NAV1: variants seen among roughly 807,000 people sequenced by gnomAD.
NAV1 encodes the protein pore membrane and/or filament interacting like protein 3.
NAV1 carries 18 observed loss-of-function variants against 175.2 expected under a neutral mutation model. The ratio of observed to expected loss-of-function variants is 0.10; its 90% CI spans 0.07 to 0.15. NAV1 has a LOEUF of 0.15. Among genes scored for constraint, NAV1 ranks in the 10% least tolerant of loss-of-function variants. NAV1 has a pLI of 1.00. For missense variants in NAV1, 1,731 were observed against 2,436.6 expected (o/e 0.71, Z 6.10); for synonymous variants, 897 against 978.7 (o/e 0.92, Z 1.56).
intron 1 of NAV1, among the ~76,000 whole-genome samples, chr1:201,557,193 T>C (rs1666047896): frequency 6.6e-6 from 1 of 152,214 alleles, no homozygotes; most frequent in African/African-American, 2.4e-5. Flanking sequence ...TTCAGCCAGA[T>C]TGGATTGCAA....
In NAV1 at chr1:201,812,769, A is replaced by T; in HGVS notation, c.5221+108A>T. 4 of 1,025,620 alleles carry T rather than the reference A, an allele frequency of 3.9e-6. No individual in the cohort carries two copies. Among genetic ancestry groups the T allele is most frequent in the Non-Finnish European group, 5.8e-6 (4 of 686,072 alleles). The allele number at this position is 1,025,620 out of a possible 1,614,324, so 63.5% of individuals were successfully genotyped here. A position where few individuals can be genotyped will look rare whatever the true frequency, so the allele number is the denominator to read the frequency against. ...TCCTGGAGTCTTCGGCATGTAAAGG[A>T]GCTGCAAGCCTTGTGGCTTCAGACT... On this transcript the variant is annotated intron_variant, in intron 27 of 29. Transcript: ENST00000367296. This position sits in a 1 kb window ranked among gnomAD's most constrained non-coding sequence, Gnocchi z 4.6.
intron 1 of NAV1, among the ~76,000 whole-genome samples, chr1:201,659,841 C>G (rs570478866): frequency 6.6e-6 from 1 of 152,298 alleles, no homozygotes; most frequent in South Asian, 2.1e-4. Context: ...TTTCCCTTCT[C>G]CTAAACTCAA....
chr1:201,793,976 G>A, intron 14 of NAV1, 101 bp downstream of exon 18: 2 of 967,824 alleles, frequency 2.1e-6, no homozygotes, highest in Non-Finnish European at 3.2e-6. Context: ...ATGAATGCCA[G>A]TTTCTCCCCA....
In NAV1 at chr1:201,718,817, G is replaced by T. The variant is rs762790875; in HGVS notation, c.1226+62G>T. ...GGTGGAAAGACCACTGGGATGCGACGCCTTAAAAGTGGAGTGGAACCCAAA... is the reference window on the plus strand; with the variant it reads ...GGTGGAAAGACCACTGGGATGCGACTCCTTAAAAGTGGAGTGGAACCCAAA... On this transcript the variant is annotated intron_variant, in intron 3 of 29. Transcript: ENST00000367296. The surrounding 1 kb of genome is among the most constrained non-coding windows in gnomAD (Gnocchi z 4.8). 16 of 1,541,654 alleles carry T rather than the reference G, an allele frequency of 1.0e-5. No individual in the cohort carries two copies. In the South Asian group the frequency reaches 1.9e-4, roughly 18 times the overall value.
chr1:201,750,133 T>G lies in NAV1; in HGVS notation c.1227-30288T>G, dbSNP rs1674012731. On this transcript the variant is annotated intron_variant, in intron 3 of 29. Coordinates refer to ENST00000367296, the Ensembl canonical transcript of NAV1. This position sits in a 1 kb window ranked among gnomAD's most constrained non-coding sequence, Gnocchi z 4.1. The stretch of plus-strand genomic sequence containing the variant: ...CAGAAGTGTATCAGGAAAAATTCTA[T>G]TGGTCCTAGTACTTTGAATGACACT... Among the ~76,000 whole-genome samples, 1 of 152,222 alleles carries G rather than the reference T, an allele frequency of 6.6e-6. No homozygotes were observed. The highest frequency in any genetic ancestry group is 2.1e-4 in the South Asian group (1 of 4,834).
chr1:201,575,199 G>T (rs1666660842), intron 1 of NAV1, among the ~76,000 whole-genome samples: 1 of 152,196 alleles, frequency 6.6e-6, no homozygotes, highest in Admixed American at 6.5e-5. Context: ...ATTAGTTTGG[G>T]AAGCAGCTGG....
At chr1:201,821,699 A>T (rs1679390761) in exon 30 of NAV1, 1 of 152,232 alleles carries the variant, frequency 6.6e-6, no homozygotes, top group Non-Finnish European at 1.5e-5. Context: ...GATTAGATGT[A>T]CAATACATTG....
intron 1 of NAV1, among the ~76,000 whole-genome samples, chr1:201,664,313 G>T (rs1168954629): frequency 6.6e-6 from 1 of 152,192 alleles, no homozygotes; most frequent in Non-Finnish European, 1.5e-5. Flanking sequence ...CTGCACTCCA[G>T]CCCAGGGACA....
chr1:201,793,531 T>C, intron 13 of NAV1: 1 of 445,292 alleles, frequency 2.2e-6, no homozygotes, highest in Non-Finnish European at 4.1e-6. Flanking sequence ...GTTTTAGATC[T>C]CAAGTCTCCA....
At chr1:201,684,977 A>T (rs964219104) in intron 1 of NAV1, among the ~76,000 whole-genome samples, 2 of 135,324 alleles carry the variant, frequency 1.5e-5, no homozygotes. Flanking sequence ...AAAAAAAAAA[A>T]CCCACAACCC....
exon 1 of NAV1, chr1:201,648,651 G>C: frequency 7.3e-7 from 1 of 1,371,276 alleles, no homozygotes; most frequent in Non-Finnish European, 9.4e-7. Context: ...GATCGTCCAT[G>C]CGCTCCTCGC....
intron 2 of NAV1, among the ~76,000 whole-genome samples, chr1:201,611,040 C>T (rs555095041): frequency 2.4e-4 from 37 of 152,252 alleles, no homozygotes; most frequent in African/African-American, 7.9e-4. Flanking sequence ...GCCAGGCCGG[C>T]GCTGGGGATA....
Position 201,795,741 on chromosome 1 carries a change from T to TC in NAV1, c.3517+1164_3517+1165insC, listed in dbSNP as rs1351923820. 13 of 151,780 alleles carry TC rather than the reference T, an allele frequency of 8.6e-5. No individual in the cohort carries two copies. The East Asian group carries it at 2.5e-3, about 29-fold the overall frequency. The allele number at this position is 151,780 out of a possible 1,614,324, so 9.4% of individuals were successfully genotyped here. ...AATCCAACTTACAATTTTTAGTACTTATTTTCCTTTTTTTTTTTTTTTTTG... is the reference window on the plus strand; with the variant it reads ...AATCCAACTTACAATTTTTAGTACTTCATTTTCCTTTTTTTTTTTTTTTTTG... On this transcript the variant is annotated intron_variant, in intron 15 of 29. Transcript: ENST00000367296.
chr1:201,649,335 C>G, exon 1 of NAV1: 1 of 1,611,866 alleles, frequency 6.2e-7, no homozygotes, highest in Non-Finnish European at 8.5e-7. Context: ...TGCCAAGGGC[C>G]AGGAGGAGCG....
At chr1:201,678,984 G>T (rs1272308451) in intron 1 of NAV1, among the ~76,000 whole-genome samples, 4 of 152,160 alleles carry the variant, frequency 2.6e-5, no homozygotes, top group African/African-American at 7.2e-5. Context: ...GGAGACAAAG[G>T]TCGGGGAGCC....
intron 1 of NAV1, among the ~76,000 whole-genome samples, chr1:201,692,236 A>G (rs960336110): frequency 2.6e-5 from 4 of 152,230 alleles, no homozygotes; most frequent in African/African-American, 9.6e-5. Context: ...AACGTGGTGA[A>G]TGCTGAGTTG....
At chr1:201,638,735 T>C (rs946021695) in intron 2 of NAV1, among the ~76,000 whole-genome samples, 2 of 152,226 alleles carry the variant, frequency 1.3e-5, no homozygotes, top group East Asian at 3.8e-4. Context: ...CAAGTGTATG[T>C]CTCTATAAAA....
intron 1 of NAV1, among the ~76,000 whole-genome samples, chr1:201,574,016 G>T (rs563599435): frequency 6.6e-6 from 1 of 151,880 alleles, no homozygotes; most frequent in African/African-American, 2.4e-5. Flanking sequence ...TGATAGTGGC[G>T]GCACTGCACT....
rs1678439748 is a variant in NAV1, at chr1:201,808,311, A to G, written c.3846-107A>G. On this transcript the variant is annotated intron_variant, in intron 18 of 29. Coordinates refer to ENST00000367296, the Ensembl canonical transcript of NAV1. The surrounding 1 kb of genome is among the most constrained non-coding windows in gnomAD (Gnocchi z 5.5). Reference sequence around the variant, plus strand: ...GGACCTTTCTTCTCATGCTGATTGAATATCAATGGGCAGGAGAAGCCAAGA... The same window carrying G: ...GGACCTTTCTTCTCATGCTGATTGAGTATCAATGGGCAGGAGAAGCCAAGA... 1 of 1,404,098 alleles carries G rather than the reference A, an allele frequency of 7.1e-7. No homozygotes were observed. Among genetic ancestry groups the G allele is most frequent in the African/African-American group, 1.4e-5 (1 of 69,844 alleles). The allele number at this position is 1,404,098 out of a possible 1,614,324, so 87.0% of individuals were successfully genotyped here.
Sources: allele counts gnomAD v4.1 joint callset (sites outside exome capture counted in the v4.1 genomes callset), GRCh38; gene constraint gnomAD v4.1.1; non-coding constraint Gnocchi (gnomAD v3.1); transcripts MANE v1.5; gene names NCBI Gene and HGNC (gene_info 2026-07-23, HGNC 2026-07-21).